Variants in HTR4 observed in about 807,000 individuals in gnomAD.
The protein encoded by HTR4 is 5-hydroxytryptamine receptor 4.
In HTR4, 16 loss-of-function variants were observed where a neutral mutation model predicts 36.8. That is an observed-to-expected ratio of 0.43 (90% confidence interval 0.29 to 0.66). The LOEUF is 0.66. HTR4 is among the 30% of genes least tolerant of loss of function. The pLI, the probability that HTR4 is intolerant of heterozygous loss-of-function variation, is 0.13. For missense variants in HTR4, 438 were observed against 490.9 expected, an observed-to-expected ratio of 0.89 and a Z score of 1.02; for synonymous variants, 189 against 185.1, an observed-to-expected ratio of 1.02 and a Z score of -0.17.
intron 5 of HTR4, among the ~76,000 whole-genome samples, chr5:148,461,688 C>G (rs989542783): frequency 6.6e-6 from 1 of 152,086 alleles, no homozygotes; most frequent in South Asian, 2.1e-4. Flanking sequence ...CAACACTTCT[C>G]TATCATAAAT....
chr5:148,570,852 G>GT (rs1554096576), intron 2 of HTR4, among the ~76,000 whole-genome samples: 1 of 144,238 alleles, frequency 6.9e-6, no homozygotes, highest in East Asian at 2.1e-4. Context: ...TTTTGTTTTT[G>GT]TTTTATTTTG....
chr5:148,632,244 T>C (rs752510735), intron 2 of HTR4, among the ~76,000 whole-genome samples: 1 of 152,122 alleles, frequency 6.6e-6, no homozygotes, highest in Non-Finnish European at 1.5e-5. Context: ...CTTCTACACT[T>C]ATTAGTGGTG....
rs1161589619 is a variant in HTR4, at chr5:148,491,545, G to A, written c.1077-8252C>T. Among the ~76,000 whole-genome samples, 5 of 152,062 alleles carry A rather than the reference G, an allele frequency of 3.3e-5. No homozygotes were observed. In the East Asian group the frequency reaches 9.7e-4, roughly 29 times the overall value. On this transcript the variant is annotated intron_variant, in intron 6 of 6. Transcript: ENST00000377888. ...GCCAGGAAATTCTTTGCTCTGGGGTGTTCCATGCATTGTCGGATGATTAGC... is the reference window on the plus strand; with the variant it reads ...GCCAGGAAATTCTTTGCTCTGGGGTATTCCATGCATTGTCGGATGATTAGC...
intron 2 of HTR4, among the ~76,000 whole-genome samples, chr5:148,633,792 T>A (rs1274326236): frequency 6.6e-6 from 1 of 152,156 alleles, no homozygotes; most frequent in South Asian, 2.1e-4. Context: ...CTACTGACAA[T>A]TTCTTCCTGT....
rs200816055 is a variant in HTR4 at position 148,523,255 on chromosome 5, G to A, written c.445C>T (p.Pro149Ser). The stretch of plus-strand genomic sequence containing the variant: ...ATAGGGAGAAAAGAAATAAACGTGG[G>A]GATGACCCAGCAGCCTCCCAGCATT... ...ALMLGGCWVI[P>S]TFISFLPIMQ... The change falls in exon 5 of 7, where the codon CCC becomes TCC. Residue 149 changes from proline (P) to serine (S), a missense_variant. Pro to Ser is a moderately conservative substitution (Grantham distance 74, BLOSUM62 -1). Coordinates refer to ENST00000377888, the MANE Select transcript of HTR4 (RefSeq NM_000870.7). 2.4e-5 allele frequency: 38 copies of A among 1,613,190 alleles called. No homozygotes were observed. Among genetic ancestry groups the A allele is most frequent in the Non-Finnish European group, 3.2e-5 (38 of 1,179,680 alleles).
intron 2 of HTR4, among the ~76,000 whole-genome samples, chr5:148,569,696 C>T (rs1760598348): frequency 6.6e-6 from 1 of 151,410 alleles, no homozygotes; most frequent in Non-Finnish European, 1.5e-5. Context: ...CATCAATATA[C>T]ATTATATGAT....
chr5:148,557,406 A>G (rs1759999294), intron 2 of HTR4, among the ~76,000 whole-genome samples: 3 of 152,236 alleles, frequency 2.0e-5, no homozygotes, highest in South Asian at 4.1e-4. Context: ...GTACAATTTA[A>G]TGAGATGGGT....
intron 2 of HTR4, among the ~76,000 whole-genome samples, chr5:148,604,811 T>C (rs947243814): frequency 6.6e-6 from 1 of 152,220 alleles, no homozygotes; most frequent in Non-Finnish European, 1.5e-5. Context: ...GGTAATTACC[T>C]TTGCAGGGTA....
At chr5:148,536,300 C>T (rs2113822792) in intron 4 of HTR4, among the ~76,000 whole-genome samples, 1 of 152,038 alleles carries the variant, frequency 6.6e-6, no homozygotes, top group Admixed American at 6.6e-5. Context: ...ATACACAGAC[C>T]AATGATATAT....
At chr5:148,635,992 T>C (rs1324511076) in intron 2 of HTR4, among the ~76,000 whole-genome samples, 1 of 152,178 alleles carries the variant, frequency 6.6e-6, no homozygotes, top group Non-Finnish European at 1.5e-5. Context: ...ATTTGAAATA[T>C]ATATATTACA....
intron 2 of HTR4, among the ~76,000 whole-genome samples, chr5:148,627,003 C>T (rs1175979143): frequency 6.6e-6 from 1 of 152,068 alleles, no homozygotes; most frequent in Non-Finnish European, 1.5e-5. Flanking sequence ...AAACATCTTC[C>T]TCTTCCTCCT....
chr5:148,524,934 A>G (rs1404037414), intron 4 of HTR4, among the ~76,000 whole-genome samples: 1 of 152,158 alleles, frequency 6.6e-6, no homozygotes, highest in African/African-American at 2.4e-5. Context: ...CAGGTGCCTC[A>G]GGAGCAGGGA....
rs915291598 is a variant in HTR4 at position 148,501,584 on chromosome 5, T to C, written c.1076+7872A>G. 4.6e-5 allele frequency among the ~76,000 whole-genome samples: 7 copies of C among 152,216 alleles called. No homozygotes were observed. The East Asian group carries it at 1.3e-3, about 29-fold the overall frequency. ...AATTCATCAAGAGTTTAAGTTCCTA[T>C]TACATATCAGACAATATGTAGAGTA... On this transcript the variant is annotated intron_variant, in intron 6 of 6. Transcript: ENST00000377888.
At chr5:148,533,483 GCAGCCATGTATTTTAAGCT>G (rs1448117353) in intron 4 of HTR4, among the ~76,000 whole-genome samples, 3 of 152,110 alleles carry the variant, frequency 2.0e-5, no homozygotes, top group Non-Finnish European at 4.4e-5. Flanking sequence ...CTCTTAGTAG[GCAGCCATGTATTTTAAGCT>G]CCATGCTAAT....
downstream of HTR4, among the ~76,000 whole-genome samples, chr5:148,479,150 A>G (rs1755797774): frequency 6.6e-6 from 1 of 152,114 alleles, no homozygotes; most frequent in Admixed American, 6.5e-5. Flanking sequence ...TCCTCTGCTC[A>G]TTAGGTGACC....
rs573329372 is a variant in HTR4 at position 148,482,903 on chromosome 5, A to AC, written c.*299dup. Reference sequence around the variant, plus strand: ...AGAACGTGAGTGAGACAGATCAGACACAGTGAGTGACGGGAACATGTCAGA... The same window carrying AC: ...AGAACGTGAGTGAGACAGATCAGACACCAGTGAGTGACGGGAACATGTCAGA... On this transcript the variant is annotated 3_prime_UTR_variant, in exon 7 of 7. Coordinates refer to ENST00000377888, the MANE Select transcript of HTR4 (RefSeq NM_000870.7). The AC allele has an allele frequency of 2.1e-3, 2,654 of 1,290,410 alleles. 7 individuals are homozygous for AC. Among genetic ancestry groups the AC allele is most frequent in the Non-Finnish European group, 2.4e-3 (2,460 of 1,008,646 alleles). 79.9% of individuals were successfully genotyped at this position (1,290,410 alleles called of 1,614,324 possible).
chr5:148,631,976 C>T (rs1753338811), intron 2 of HTR4, among the ~76,000 whole-genome samples: 1 of 152,044 alleles, frequency 6.6e-6, no homozygotes, highest in African/African-American at 2.4e-5. Flanking sequence ...GTTTGATCTT[C>T]AGTTAAAAAA....
chr5:148,653,309 T>C (rs756732675), intron 1 of HTR4, among the ~76,000 whole-genome samples: 2 of 152,324 alleles, frequency 1.3e-5, no homozygotes, highest in Middle Eastern at 3.4e-3. Context: ...CATTGAACTC[T>C]AGGAAGACAA....
At chr5:148,519,989 C>G (rs1023567832) in intron 5 of HTR4, among the ~76,000 whole-genome samples, 1 of 152,098 alleles carries the variant, frequency 6.6e-6, no homozygotes, top group African/African-American at 2.4e-5. Flanking sequence ...AACGAGTCAA[C>G]ATATAAATTA....
Sources: allele counts gnomAD v4.1 joint callset (sites outside exome capture counted in the v4.1 genomes callset), GRCh38; gene constraint gnomAD v4.1.1; transcripts MANE v1.5; gene names NCBI Gene and HGNC (gene_info 2026-07-23, HGNC 2026-07-21).